Variants in SGCZ observed in about 807,000 individuals in gnomAD.
SGCZ encodes zeta-sarcoglycan.
Under a neutral mutation model 41.3 loss-of-function variants are expected in SGCZ, and 40 were observed. The ratio of observed to expected loss-of-function variants is 0.97; its 90% confidence interval spans 0.75 to 1.26. The LOEUF (loss-of-function observed/expected upper bound fraction) is 1.26, where lower values mean the gene tolerates loss of function less well. SGCZ is among the 50% of genes most tolerant of loss of function. The probability of loss-of-function intolerance (pLI) is 0.00; values close to 1 mark genes in which losing one functional copy is unlikely to be tolerated. For missense variants in SGCZ, 552 were observed against 369.8 expected, an observed-to-expected ratio of 1.49 and a Z score of -4.04; for synonymous variants, 206 against 137.5, an observed-to-expected ratio of 1.50 and a Z score of -3.49.
At chr8:14,349,521 T>C (rs1803012468) in intron 2 of SGCZ, among the ~76,000 whole-genome samples, 1 of 152,130 alleles carries the variant, frequency 6.6e-6, no homozygotes, top group Non-Finnish European at 1.5e-5. Context: ...CAATTTAGGA[T>C]TTTTAAGAAG....
intron 2 of SGCZ, among the ~76,000 whole-genome samples, chr8:14,551,969 G>C (rs1803884098): frequency 6.6e-6 from 1 of 151,644 alleles, no homozygotes; most frequent in Admixed American, 6.6e-5. Flanking sequence ...AACATGCCCA[G>C]TTTGCTCAAA....
intron 1 of SGCZ, chr8:14,879,968 G>A (rs910446117): frequency 1.3e-5 from 2 of 152,110 alleles, no homozygotes; most frequent in East Asian, 1.9e-4. Context: ...AGCCTCCCAA[G>A]TAGCTGGGAC....
chr8:15,129,536 T>C (rs754953787), intron 1 of SGCZ, among the ~76,000 whole-genome samples: 1 of 151,926 alleles, frequency 6.6e-6, no homozygotes, highest in African/African-American at 2.4e-5. Flanking sequence ...TTTTAAGAAA[T>C]TTGTCAGAAA....
At chr8:15,111,525 C>G (rs1215136522) in intron 1 of SGCZ, among the ~76,000 whole-genome samples, 1 of 152,154 alleles carries the variant, frequency 6.6e-6, no homozygotes, top group African/African-American at 2.4e-5. Flanking sequence ...GTACTTACAC[C>G]TCAGAAAACT....
chr8:14,766,701 A>C (rs1019674435), intron 1 of SGCZ, among the ~76,000 whole-genome samples: 7 of 148,354 alleles, frequency 4.7e-5, no homozygotes, highest in African/African-American at 1.7e-4. Flanking sequence ...AGCTGGGACC[A>C]CAGGCACCTG....
At chr8:14,535,955 CAT>C (rs1364673603) in intron 2 of SGCZ, among the ~76,000 whole-genome samples, 1 of 151,726 alleles carries the variant, frequency 6.6e-6, no homozygotes, top group African/African-American at 2.4e-5. Context: ...GATGATCTTA[CAT>C]AGTTTCAAAA....
intron 1 of SGCZ, among the ~76,000 whole-genome samples, chr8:14,976,806 G>C (rs1225542310): frequency 4.6e-5 from 7 of 152,180 alleles, no homozygotes; most frequent in Admixed American, 4.6e-4. Context: ...CATGTGTACT[G>C]CTTCCATTCT....
At chr8:14,539,886 T>C (rs573590439) in intron 2 of SGCZ, among the ~76,000 whole-genome samples, 11 of 152,098 alleles carry the variant, frequency 7.2e-5, no homozygotes, top group African/African-American at 1.7e-4. Context: ...TAGAAGTCCT[T>C]TGTTGGCTTG....
At chr8:14,806,073 T>G (rs1202830643) in intron 1 of SGCZ, among the ~76,000 whole-genome samples, 2 of 151,136 alleles carry the variant, frequency 1.3e-5, no homozygotes, top group Non-Finnish European at 3.0e-5. Context: ...TGGGACGCAT[T>G]CAAAGCAGTG....
intron 1 of SGCZ, among the ~76,000 whole-genome samples, chr8:14,701,355 C>T (rs773642380): frequency 1.3e-5 from 2 of 151,862 alleles, no homozygotes; most frequent in Non-Finnish European, 2.9e-5. Context: ...CTCTCTCTCC[C>T]CTGAGTGGTG....
intron 1 of SGCZ, among the ~76,000 whole-genome samples, chr8:14,745,146 T>C (rs554597369): frequency 6.6e-6 from 1 of 152,318 alleles, no homozygotes; most frequent in Admixed American, 6.5e-5. Flanking sequence ...TACCTGCACT[T>C]TTAGCATTTC....
chr8:15,016,328 C>A (rs1803030831), intron 1 of SGCZ, among the ~76,000 whole-genome samples: 1 of 152,168 alleles, frequency 6.6e-6, no homozygotes, highest in African/African-American at 2.4e-5. Flanking sequence ...CTTGATCTAA[C>A]AGAATACACA....
chr8:14,175,285 TA>T (rs1264067305), intron 4 of SGCZ, among the ~76,000 whole-genome samples: 1 of 152,092 alleles, frequency 6.6e-6, no homozygotes, highest in Non-Finnish European at 1.5e-5. Context: ...AAGAAAATTA[TA>T]AAGGACTATT....
intron 2 of SGCZ, among the ~76,000 whole-genome samples, chr8:14,471,815 A>G (rs146000290): frequency 6.6e-6 from 1 of 152,126 alleles, no homozygotes; most frequent in South Asian, 2.1e-4. Flanking sequence ...AATTGCTATT[A>G]TGACGATTCT....
At chr8:14,946,054 A>ATATATATATATG (rs1554526190) in intron 1 of SGCZ, among the ~76,000 whole-genome samples, 1 of 90,988 alleles carries the variant, frequency 1.1e-5, no homozygotes, top group African/African-American at 4.3e-5. Context: ...ATATATATAT[A>ATATATATATATG]TGAATCATTC....
chr8:14,145,908 A>T lies in SGCZ; in HGVS notation c.547+18672T>A, dbSNP rs79255543. Among the ~76,000 whole-genome samples, 918 of 152,284 alleles carry T rather than the reference A, an allele frequency of 6.0e-3. 9 individuals are homozygous for T. Among genetic ancestry groups the T allele is most frequent in the African/African-American group, 0.019 (801 of 41,568 alleles). On this transcript the variant is annotated intron_variant, in intron 5 of 7. Transcript: ENST00000382080. ...TGAAAATACACAGTCAGAGGAGGCA[A>T]AAGAATAAAAAACAATATATTGCCT...
At chr8:15,184,097 T>C (rs547331149) in intron 1 of SGCZ, among the ~76,000 whole-genome samples, 1 of 152,326 alleles carries the variant, frequency 6.6e-6, no homozygotes, top group African/African-American at 2.4e-5. Flanking sequence ...ACATTCCAAT[T>C]ACACATTTTC....
At chr8:14,962,843 T>C (rs1801005989) in intron 1 of SGCZ, among the ~76,000 whole-genome samples, 1 of 152,174 alleles carries the variant, frequency 6.6e-6, no homozygotes, top group Non-Finnish European at 1.5e-5. Flanking sequence ...GCTTGAATCA[T>C]TTCTGCCATA....
chr8:14,420,384 T>A (rs1295206976), intron 2 of SGCZ, among the ~76,000 whole-genome samples: 1 of 152,114 alleles, frequency 6.6e-6, no homozygotes, highest in South Asian at 2.1e-4. Flanking sequence ...CAACAAAGTC[T>A]GTGCTGACGT....
Sources: allele counts gnomAD v4.1 joint callset (sites outside exome capture counted in the v4.1 genomes callset), GRCh38; gene constraint gnomAD v4.1.1; transcripts MANE v1.5; gene names NCBI Gene and HGNC (gene_info 2026-07-23, HGNC 2026-07-21).